Variants in VSIG1 observed in about 807,000 individuals in gnomAD.
VSIG1 encodes V-set and immunoglobulin domain-containing protein 1.
Under a neutral mutation model 20.1 loss-of-function variants are expected in VSIG1, and 11 were observed. The observed-to-expected ratio is 0.55, with a 90% confidence interval of 0.34 to 0.91. VSIG1 has a LOEUF of 0.91. Ranked by LOEUF, VSIG1 falls within the 40% of genes least tolerant of loss-of-function variation. The pLI is 0.02. For synonymous variants in VSIG1, 126 were observed against 116.7 expected, an observed-to-expected ratio of 1.08 and a Z score of -0.52; for missense variants, 283 against 298.8, an observed-to-expected ratio of 0.95 and a Z score of 0.39.
intron 5 of VSIG1, among the ~76,000 whole-genome samples, chrX:108,074,886 C>G (rs1473975550): frequency 8.9e-6 from 1 of 111,732 alleles, no homozygotes; most frequent in Non-Finnish European, 1.9e-5. Context: ...TCACAAGAAA[C>G]TGATATATCA....
chrX:108,023,008 G>A, the VSIG1 span, among the ~76,000 whole-genome samples: 1 of 112,006 alleles, frequency 8.9e-6, no homozygotes, highest in African/African-American at 3.2e-5. Context: ...ATAGTGCTAT[G>A]CTTCTTGTAC....
intron 4 of VSIG1, 132 bp downstream of exon 4, chrX:108,072,964 G>T: frequency 1.4e-6 from 1 of 706,550 alleles, no homozygotes; most frequent in South Asian, 2.9e-5. Context: ...GTGGAGGGGG[G>T]CGGCTGGTAA....
the VSIG1 span, among the ~76,000 whole-genome samples, chrX:108,026,107 A>T: frequency 8.9e-6 from 1 of 111,947 alleles, no homozygotes; most frequent in Admixed American, 9.4e-5. Flanking sequence ...TATGAATCAT[A>T]ACCTGCAAAA....
intron 2 of VSIG1, among the ~76,000 whole-genome samples, chrX:108,063,446 C>T (rs1318396850): frequency 3.6e-5 from 4 of 111,450 alleles, no homozygotes; most frequent in African/African-American, 9.8e-5. Context: ...TTACTAACCG[C>T]AGGCCTCTGG....
intron 1 of VSIG1, among the ~76,000 whole-genome samples, chrX:108,048,390 TTAAG>T: frequency 8.9e-6 from 1 of 112,347 alleles, no homozygotes; most frequent in Non-Finnish European, 1.9e-5. Flanking sequence ...TTATTATACT[TTAAG>T]TTTTAGGATA....
Position 108,063,197 on chromosome X carries a change from A to G in VSIG1, c.214-3739A>G, listed in dbSNP as rs750857587. On this transcript the variant is annotated intron_variant, in intron 2 of 6. Coordinates refer to ENST00000217957, the MANE Select transcript of VSIG1 (RefSeq NM_182607.5). ...AGCATCATGCCAATAAATAGCAACA[A>G]TTGGCAGGAGAAAGGTTGGGCTGGA... Among the ~76,000 whole-genome samples, 14 of 111,715 alleles carry G rather than the reference A, an allele frequency of 1.3e-4. No individual in the cohort carries two copies. The South Asian group carries it at 3.0e-3, about 24-fold the overall frequency.
chrX:108,021,426 T>C, the VSIG1 span, among the ~76,000 whole-genome samples: 34 of 112,101 alleles, frequency 3.0e-4, no homozygotes, highest in African/African-American at 1.1e-3. Flanking sequence ...CATCATTGAG[T>C]TGTGATAGTA....
At chrX:108,039,146 T>C in the VSIG1 span, among the ~76,000 whole-genome samples, 1 of 111,387 alleles carries the variant, frequency 9.0e-6, no homozygotes, top group Non-Finnish European at 1.9e-5. Context: ...ACTTCACACA[T>C]GGGCTATACA....
At chrX:108,067,726 C>T (rs1266328448) in intron 3 of VSIG1, among the ~76,000 whole-genome samples, 1 of 112,125 alleles carries the variant, frequency 8.9e-6, no homozygotes, top group East Asian at 2.8e-4. Flanking sequence ...TTTGGAATCT[C>T]ATTTGTTCAG....
At chrX:108,031,804 T>G in the VSIG1 span, among the ~76,000 whole-genome samples, 1 of 112,218 alleles carries the variant, frequency 8.9e-6, no homozygotes, top group South Asian at 3.7e-4. Flanking sequence ...TCATTAAGTA[T>G]AGTCACCACA....
At chrX:108,034,044 G>A in the VSIG1 span, among the ~76,000 whole-genome samples, 1 of 110,703 alleles carries the variant, frequency 9.0e-6, no homozygotes, top group Non-Finnish European at 1.9e-5. Context: ...GCTAATCTCA[G>A]CTCTGGCCTT....
chrX:108,044,350 G>A (rs1055252492), upstream of VSIG1, among the ~76,000 whole-genome samples: 1 of 111,579 alleles, frequency 9.0e-6, no homozygotes, highest in Non-Finnish European at 1.9e-5. Context: ...CCATTTCTAA[G>A]GAAACCCTAT....
chrX:108,061,578 T>G (rs1602575317), intron 2 of VSIG1: 1 of 1,062,580 alleles, frequency 9.4e-7, no homozygotes, highest in African/African-American at 1.9e-5. Context: ...CTTCATTGTT[T>G]GGAGACTCCA....
the VSIG1 span, among the ~76,000 whole-genome samples, chrX:108,022,343 T>C: frequency 8.9e-6 from 1 of 112,365 alleles, no homozygotes; most frequent in African/African-American, 3.2e-5. Context: ...ATTTTATTTT[T>C]AGGCTTTTCA....
intron 3 of VSIG1, among the ~76,000 whole-genome samples, chrX:108,071,579 C>T (rs975613973): frequency 6.3e-5 from 7 of 110,809 alleles, no homozygotes; most frequent in African/African-American, 2.0e-4. Flanking sequence ...CATTAGTACC[C>T]CTTCCTCCTT....
rs771409214 is a variant in VSIG1, at chrX:108,052,665, AG to A, written c.50-5371del. ...AACAAAAAAAAGGATAAATTACGTG[AG>A]GTGATGGATATGTTAATTAGCTCGA... On this transcript the variant is annotated intron_variant, in intron 1 of 6. Coordinates refer to ENST00000217957, the MANE Select transcript of VSIG1 (RefSeq NM_182607.5). Among the ~76,000 whole-genome samples, 131 of 111,749 alleles carry A rather than the reference AG, an allele frequency of 1.2e-3. 1 individual carries two copies. The highest frequency in any genetic ancestry group is 4.1e-3 in the African/African-American group (125 of 30,814).
At chrX:108,041,552 TCG>T (rs1491300401), upstream of VSIG1, among the ~76,000 whole-genome samples, 1 of 69,525 alleles carries the variant, frequency 1.4e-5, no homozygotes, top group Non-Finnish European at 3.0e-5. Flanking sequence ...TTAAAAAACC[TCG>T]TGTGTGTGTG....
At chrX:108,061,173 C>T (rs2031011923) in intron 2 of VSIG1, among the ~76,000 whole-genome samples, 1 of 112,798 alleles carries the variant, frequency 8.9e-6, no homozygotes, top group Admixed American at 9.3e-5. Flanking sequence ...GCCTCCATTT[C>T]AAGACTGTTT....
At chrX:108,057,907 A>G (rs2030936650) in intron 1 of VSIG1, 131 bp from the exon 2 acceptor site, 2 of 603,816 alleles carry the variant, frequency 3.3e-6, no homozygotes, top group Non-Finnish European at 2.4e-6. Flanking sequence ...ACTTTCTTGT[A>G]TGGTTTATTC....
Sources: allele counts gnomAD v4.1 joint callset (sites outside exome capture counted in the v4.1 genomes callset), GRCh38; gene constraint gnomAD v4.1.1; transcripts MANE v1.5; gene names NCBI Gene and HGNC (gene_info 2026-07-23, HGNC 2026-07-21).